Variants in NKAIN2 observed in about 807,000 individuals in gnomAD.
The protein encoded by NKAIN2 is sodium/potassium-transporting ATPase subunit beta-1-interacting protein 2.
Under a neutral mutation model 32.6 loss-of-function variants are expected in NKAIN2, and 14 were observed. That is an observed-to-expected ratio of 0.43 (90% CI 0.28 to 0.67). NKAIN2 has a LOEUF of 0.67. Among genes scored for constraint, NKAIN2 ranks in the 30% least tolerant of loss-of-function variants. NKAIN2 has a pLI of 0.17. For missense variants in NKAIN2, 198 were observed against 258.3 expected (o/e 0.77, Z 1.60); for synonymous variants, 80 against 87.2 (o/e 0.92, Z 0.46).
chr6:124,099,382 C>T (rs1408116084), intron 1 of NKAIN2, among the ~76,000 whole-genome samples: 5 of 152,106 alleles, frequency 3.3e-5, no homozygotes, highest in Non-Finnish European at 1.5e-5. Flanking sequence ...ATTTAGGTTG[C>T]CTGACCTGAA....
chr6:123,811,369 CTTT>C (rs1349904416), intron 1 of NKAIN2, among the ~76,000 whole-genome samples: 2 of 80,836 alleles, frequency 2.5e-5, no homozygotes, highest in East Asian at 1.1e-3. Context: ...ACCTGCCTCT[CTTT>C]ACTAGCCTAG....
At chr6:124,489,834 A>G (rs1188302076) in intron 3 of NKAIN2, among the ~76,000 whole-genome samples, 1 of 151,828 alleles carries the variant, frequency 6.6e-6, no homozygotes, top group Non-Finnish European at 1.5e-5. Flanking sequence ...TTAACATGGT[A>G]TATAATTGTG....
intron 1 of NKAIN2, among the ~76,000 whole-genome samples, chr6:124,175,955 C>T (rs1028199134): frequency 1.3e-5 from 2 of 152,030 alleles, no homozygotes; most frequent in African/African-American, 4.8e-5. Context: ...TAAGTACTGA[C>T]ACTACTGTTC....
intron 1 of NKAIN2, among the ~76,000 whole-genome samples, chr6:123,848,731 G>C (rs1274007157): frequency 2.0e-5 from 3 of 152,078 alleles, no homozygotes; most frequent in African/African-American, 7.2e-5. Flanking sequence ...TGAGCCAAAG[G>C]GTGTGTGCTT....
chr6:124,120,237 G>A (rs1785814186), intron 1 of NKAIN2, among the ~76,000 whole-genome samples: 2 of 151,992 alleles, frequency 1.3e-5, no homozygotes, highest in Admixed American at 1.3e-4. Flanking sequence ...CTTAACTACT[G>A]ACCACATTTT....
chr6:124,411,544 G>A (rs1278609909), intron 3 of NKAIN2, among the ~76,000 whole-genome samples: 1 of 152,246 alleles, frequency 6.6e-6, no homozygotes, highest in Non-Finnish European at 1.5e-5. Flanking sequence ...TTTCTGCTGA[G>A]AGATCAGCTG....
intron 3 of NKAIN2, among the ~76,000 whole-genome samples, chr6:124,400,138 A>G (rs576364622): frequency 3.9e-4 from 59 of 152,330 alleles, no homozygotes; most frequent in Admixed American, 2.6e-3. Flanking sequence ...CAGACAGGTC[A>G]GTGGTTCTCA....
chr6:123,852,979 A>T (rs932487022), intron 1 of NKAIN2, among the ~76,000 whole-genome samples: 1 of 152,238 alleles, frequency 6.6e-6, no homozygotes, highest in Non-Finnish European at 1.5e-5. Context: ...TGTTTTACAG[A>T]TGCTAGTGTG....
chr6:124,084,264 G>A (rs9375306), intron 1 of NKAIN2, among the ~76,000 whole-genome samples: 18,119 of 151,762 alleles, frequency 0.12, 1,712 homozygotes, highest in African/African-American at 0.26. Context: ...ACGATTTTTC[G>A]GTCAATGATG....
intron 3 of NKAIN2, among the ~76,000 whole-genome samples, chr6:124,634,024 A>G (rs781271496): frequency 6.6e-6 from 1 of 152,164 alleles, no homozygotes; most frequent in African/African-American, 2.4e-5. Context: ...TAAGGAGATT[A>G]TACTACTGTG....
chr6:124,701,894 A>C (rs1459956446), intron 4 of NKAIN2, among the ~76,000 whole-genome samples: 1 of 152,210 alleles, frequency 6.6e-6, no homozygotes, highest in Admixed American at 6.6e-5. Flanking sequence ...TTTTTAGGAT[A>C]TTTTGAGAGT....
chr6:124,551,699 A>G (rs746433760), intron 3 of NKAIN2, among the ~76,000 whole-genome samples: 67 of 152,364 alleles, frequency 4.4e-4, no homozygotes, highest in South Asian at 8.3e-4. Context: ...ATCATTGTCA[A>G]TCTTTTATCT....
intron 1 of NKAIN2, among the ~76,000 whole-genome samples, chr6:123,963,720 G>A (rs1385488187): frequency 6.6e-6 from 1 of 152,082 alleles, no homozygotes; most frequent in Non-Finnish European, 1.5e-5. Context: ...GCCAATTTTC[G>A]AGTTCAAATA....
intron 3 of NKAIN2, among the ~76,000 whole-genome samples, chr6:124,408,723 A>C (rs1016521035): frequency 6.6e-6 from 1 of 152,064 alleles, no homozygotes; most frequent in Non-Finnish European, 1.5e-5. Flanking sequence ...GTTTTTTCCA[A>C]TTCTGTGAAG....
At chr6:124,117,810 A>C (rs190821799) in intron 1 of NKAIN2, among the ~76,000 whole-genome samples, 10 of 151,534 alleles carry the variant, frequency 6.6e-5, no homozygotes, top group Admixed American at 5.9e-4. Context: ...ATTTTTTATA[A>C]TCATATAATA....
chr6:123,980,558 A>G (rs566488873), intron 1 of NKAIN2, among the ~76,000 whole-genome samples: 1 of 152,340 alleles, frequency 6.6e-6, no homozygotes, highest in Admixed American at 6.5e-5. Context: ...AGTTTATACC[A>G]TGTCACTAAA....
At chr6:124,822,515 G>T (rs928672071) in intron 6 of NKAIN2, among the ~76,000 whole-genome samples, 2 of 152,164 alleles carry the variant, frequency 1.3e-5, no homozygotes, top group African/African-American at 4.8e-5. Context: ...CCTGGACAAA[G>T]CTTTGAAAAC....
intron 1 of NKAIN2, among the ~76,000 whole-genome samples, chr6:124,039,021 A>G (rs1362718910): frequency 1.3e-5 from 2 of 152,076 alleles, no homozygotes; most frequent in Non-Finnish European, 2.9e-5. Flanking sequence ...TAATTCTCAT[A>G]TGTATGATGT....
chr6:124,224,457 T>C (rs1792003981), intron 1 of NKAIN2, among the ~76,000 whole-genome samples: 2 of 152,118 alleles, frequency 1.3e-5, no homozygotes, highest in Admixed American at 6.5e-5. Context: ...AAGAATTAGA[T>C]GATTTCCCTT....
Sources: allele counts gnomAD v4.1 joint callset (sites outside exome capture counted in the v4.1 genomes callset), GRCh38; gene constraint gnomAD v4.1.1; transcripts MANE v1.5; gene names NCBI Gene and HGNC (gene_info 2026-07-23, HGNC 2026-07-21).